The following ATF2 variants were observed in gnomAD, a reference collection of about 807,000 sequenced individuals.
The protein encoded by ATF2 is activating transcription factor 2.
A neutral mutation model predicts 60.6 loss-of-function variants in ATF2; 24 were observed. The ratio of observed to expected loss-of-function variants is 0.40; its 90% CI spans 0.29 to 0.56. ATF2 has a LOEUF of 0.56. Among genes scored for constraint, ATF2 ranks in the 20% least tolerant of loss-of-function variants. The pLI, the probability that ATF2 is intolerant of heterozygous loss-of-function variation, is 0.54. For synonymous variants in ATF2, 206 were observed against 215.4 expected, an observed-to-expected ratio of 0.96 and a Z score of 0.38; for missense variants, 433 against 607.7, an observed-to-expected ratio of 0.71 and a Z score of 3.02.
intron 7 of ATF2, among the ~76,000 whole-genome samples, chr2:175,117,233 G>GA (rs5836483): frequency 0.14 from 21,212 of 149,180 alleles, 2,188 homozygotes; most frequent in African/African-American, 0.3. Context: ...AGAAAATGAA[G>GA]AAAAAAAAAC....
intron 10 of ATF2, among the ~76,000 whole-genome samples, chr2:175,103,677 T>TAAAA (rs75197426): frequency 7.7e-6 from 1 of 129,870 alleles, no homozygotes; most frequent in East Asian, 2.2e-4. Flanking sequence ...TCACACATCT[T>TAAAA]AAAAAAAAAA....
intron 1 of ATF2, among the ~76,000 whole-genome samples, chr2:175,164,979 C>A (rs1395674680): frequency 6.6e-6 from 1 of 152,172 alleles, no homozygotes; most frequent in Non-Finnish European, 1.5e-5. Context: ...GCCTCAGCCT[C>A]CCCAGTAGCT....
In ATF2 at chr2:175,130,181, C is replaced by T. The variant is rs1200713578; in HGVS notation, c.59G>A (p.Ser20Asn). ...AGTACATAGAAAGGGTTTGTCATCA[C>T]TCATATTCCACAGGTCCTTGTATTG... The part of the protein sequence containing the change: ...ARQYKDLWNM[S>N]DDKPFLCTAP... Residue 20 changes from serine to asparagine, a missense_variant, in exon 4 of 14, where the codon AGT (serine) becomes AAT (asparagine). Physicochemically the swap from Ser to Asn is conservative, Grantham distance 46. This residue lies in a region of ATF2 where 29 missense variants were observed against 102.1 expected (regional missense o/e 0.28). Coordinates refer to ENST00000264110, the MANE Select transcript of ATF2 (RefSeq NM_001880.4). The T allele has an allele frequency of 1.3e-6, 2 of 1,594,678 alleles. No homozygotes were observed. Among genetic ancestry groups the T allele is most frequent in the African/African-American group, 2.7e-5 (2 of 74,504 alleles).
chr2:175,161,821 C>T (rs964594921), intron 1 of ATF2, among the ~76,000 whole-genome samples: 4 of 150,932 alleles, frequency 2.7e-5, no homozygotes, highest in African/African-American at 7.3e-5. Context: ...AGTGCACTGG[C>T]GTGATCTTGG....
rs753300490 is a variant in ATF2 at position 175,118,218 on chromosome 2, G to C, written c.318+33C>G. ...AACTATGATTACTTTTCTGTCAGAAGTACTCTTTTTAAATTTCATGGTTAC... is the reference window on the plus strand; with the variant it reads ...AACTATGATTACTTTTCTGTCAGAACTACTCTTTTTAAATTTCATGGTTAC... On this transcript the variant is annotated intron_variant, in intron 6 of 13. Transcript: ENST00000264110. The C allele has an allele frequency of 7.5e-6, 12 of 1,591,060 alleles. No homozygotes were observed. The South Asian group carries it at 1.4e-4, about 18-fold the overall frequency.
intron 1 of ATF2, among the ~76,000 whole-genome samples, chr2:175,166,634 C>A (rs574352237): frequency 2.6e-5 from 4 of 152,150 alleles, no homozygotes; most frequent in Admixed American, 2.0e-4. Flanking sequence ...GACTTTTTAA[C>A]AAGCTTTTAT....
chr2:175,094,745 G>A (rs1034528349), intron 11 of ATF2, among the ~76,000 whole-genome samples: 7 of 152,032 alleles, frequency 4.6e-5, no homozygotes, highest in African/African-American at 7.2e-5. Context: ...AGTATTTCAC[G>A]CCTGGGCAAC....
At chr2:175,154,437 C>T (rs955689786) in intron 1 of ATF2, among the ~76,000 whole-genome samples, 1 of 151,544 alleles carries the variant, frequency 6.6e-6, no homozygotes, top group Non-Finnish European at 1.5e-5. Flanking sequence ...TGAAGAATAC[C>T]TCCTGAAGGA....
chr2:175,118,191 T>TAAA (rs1437766814), intron 6 of ATF2, 60 bp downstream of exon 6: 49 of 1,591,792 alleles, frequency 3.1e-5, no homozygotes, highest in Non-Finnish European at 3.9e-5. Context: ...GCAGGAAGTA[T>TAAA]AAACTATGAT....
At chr2:175,122,496 C>CCATTTCTTG (rs1437939108) in intron 4 of ATF2, among the ~76,000 whole-genome samples, 3 of 151,980 alleles carry the variant, frequency 2.0e-5, no homozygotes, top group African/African-American at 7.2e-5. Context: ...AAAATGAATT[C>CCATTTCTTG]CATTTCTTGT....
At chr2:175,154,673 A>G (rs1699551230) in intron 1 of ATF2, among the ~76,000 whole-genome samples, 1 of 152,224 alleles carries the variant, frequency 6.6e-6, no homozygotes, top group African/African-American at 2.4e-5. Flanking sequence ...CACCAACATC[A>G]CTACAAATGT....
At chr2:175,077,834 T>C (rs1365700733) in intron 13 of ATF2, among the ~76,000 whole-genome samples, 1 of 152,172 alleles carries the variant, frequency 6.6e-6, no homozygotes, top group African/African-American at 2.4e-5. Context: ...AGAAAATGAC[T>C]GGTGTAATCA....
chr2:175,142,718 AGAGTGTGTGTGT>A (rs1280551971), intron 2 of ATF2, among the ~76,000 whole-genome samples: 32 of 113,442 alleles, frequency 2.8e-4, no homozygotes, highest in Admixed American at 1.6e-3. Context: ...AGAGAGAGAG[AGAGTGTGTGTGT>A]GTGTGTGTGT....
chr2:175,099,918 T>C (rs1695194433), intron 10 of ATF2, among the ~76,000 whole-genome samples: 1 of 152,376 alleles, frequency 6.6e-6, no homozygotes, highest in East Asian at 1.9e-4. Flanking sequence ...TGTGGCTTAA[T>C]GATTCAAAAA....
intron 10 of ATF2, among the ~76,000 whole-genome samples, chr2:175,108,901 CTG>C (rs1042913446): frequency 1.3e-5 from 2 of 152,182 alleles, no homozygotes; most frequent in Non-Finnish European, 2.9e-5. Context: ...GAAACTTGTG[CTG>C]TGTCCACTCA....
At chr2:175,111,074 A>G (rs1696147025) in intron 10 of ATF2, among the ~76,000 whole-genome samples, 1 of 152,204 alleles carries the variant, frequency 6.6e-6, no homozygotes. Context: ...AAAGGTAGTG[A>G]ATAGTGGAGT....
At chr2:175,165,751 C>A (rs10439298) in intron 1 of ATF2, among the ~76,000 whole-genome samples, 10,513 of 152,244 alleles carry the variant, frequency 0.069, 366 homozygotes, top group East Asian at 0.13. Context: ...CTCACTGCAA[C>A]CTCCGCCTCC....
At chr2:175,149,617 G>C (rs533401385) in intron 2 of ATF2, among the ~76,000 whole-genome samples, 1 of 152,220 alleles carries the variant, frequency 6.6e-6, no homozygotes, top group African/African-American at 2.4e-5. Context: ...GAGAATAATG[G>C]TCTGAACTAA....
At chr2:175,116,907 C>T (rs1342818921) in intron 7 of ATF2, among the ~76,000 whole-genome samples, 1 of 151,838 alleles carries the variant, frequency 6.6e-6, no homozygotes. Flanking sequence ...AATACATATA[C>T]ATATCATATA....
Sources: allele counts gnomAD v4.1 joint callset (sites outside exome capture counted in the v4.1 genomes callset), GRCh38; gene constraint gnomAD v4.1.1; regional missense constraint gnomAD v4.1.1; transcripts MANE v1.5; gene names NCBI Gene and HGNC (gene_info 2026-07-23, HGNC 2026-07-21).